RPN2: variants seen among roughly 807,000 people sequenced by gnomAD.
RPN2 encodes the protein dolichyl-diphosphooligosaccharide--protein glycosyltransferase subunit 2.
RPN2 carries 29 observed loss-of-function variants against 71.4 expected under a neutral mutation model. That is an observed-to-expected ratio of 0.41 (90% confidence interval 0.30 to 0.55). The LOEUF (loss-of-function observed/expected upper bound fraction) is 0.55, where lower values mean the gene tolerates loss of function less well. Ranked by LOEUF, RPN2 falls within the 20% of genes least tolerant of loss-of-function variation. RPN2 has a pLI of 0.35. For missense variants in RPN2, 726 were observed against 774.1 expected (o/e 0.94, Z 0.74); for synonymous variants, 308 against 305.0 (o/e 1.01, Z -0.10).
intron 2 of RPN2, among the ~76,000 whole-genome samples, chr20:37,195,259 C>T (rs2146547988): frequency 6.6e-6 from 1 of 152,272 alleles, no homozygotes; most frequent in African/African-American, 2.4e-5. Flanking sequence ...GGAGGTGTCC[C>T]TGCTTCTGCT....
intron 13 of RPN2, 104 bp downstream of exon 13, chr20:37,230,163 T>C: frequency 1.1e-6 from 1 of 923,294 alleles, no homozygotes; most frequent in Non-Finnish European, 1.8e-6. Flanking sequence ...TGTTTTATAG[T>C]TTGATCCTCA....
intron 8 of RPN2, among the ~76,000 whole-genome samples, chr20:37,213,511 C>A (rs574736001): frequency 5.3e-5 from 8 of 152,126 alleles, no homozygotes; most frequent in Non-Finnish European, 7.4e-5. Flanking sequence ...ATCAGTTGAG[C>A]CTACGAGTTT....
At chr20:37,229,744 TA>T in intron 12 of RPN2, 1 of 584,188 alleles carries the variant, frequency 1.7e-6, no homozygotes, top group Non-Finnish European at 3.1e-6. Context: ...GGGGCTACTA[TA>T]CCAGCAGAAA....
At chr20:37,192,111 A>G (rs905206278) in intron 2 of RPN2, among the ~76,000 whole-genome samples, 3 of 152,080 alleles carry the variant, frequency 2.0e-5, no homozygotes. Flanking sequence ...CAAAGAAACC[A>G]AATTACTTTA....
rs1164682182 is a variant in RPN2, at chr20:37,207,424, A to T, written c.842A>T (p.Asp281Val). The change falls in exon 7 of 17, where the codon GAC (aspartate) becomes GTC (valine). Residue 281 changes from aspartate (D) to valine (V), a missense_variant. Physicochemically the swap from Asp to Val is radical, Grantham distance 152 (BLOSUM62 -3). Transcript: ENST00000237530. ...VVVVPEGSAS[D>V]THEQAILRLQ... ...GTTGTGCCTGAGGGCTCTGCTTCCG[A>T]CACTCATGAACAGGCTATCTTGCGG... is the stretch of plus-strand genomic sequence containing the variant. The T allele has an allele frequency of 6.2e-7, 1 of 1,614,136 alleles. No individual in the cohort carries two copies. The highest frequency in any genetic ancestry group is 1.7e-5 in the Admixed American group (1 of 60,026).
intron 8 of RPN2, among the ~76,000 whole-genome samples, chr20:37,213,228 G>A (rs1417912165): frequency 1.3e-5 from 2 of 152,256 alleles, no homozygotes; most frequent in South Asian, 4.2e-4. Flanking sequence ...AAGCTACCAG[G>A]AGTTTGAATT....
At chr20:37,180,612 G>T (rs1352473983) in intron 1 of RPN2, among the ~76,000 whole-genome samples, 1 of 152,106 alleles carries the variant, frequency 6.6e-6, no homozygotes, top group East Asian at 1.9e-4. Flanking sequence ...TTGGGTACCC[G>T]CCTGTGCACA....
chr20:37,198,512 C>A lies in RPN2; in HGVS notation c.303+20C>A. On this transcript the variant is annotated intron_variant, in intron 3 of 16. Transcript: ENST00000237530. ...TGTGAGGTGAGTCCGGGTTCCTACG[C>A]TGACAATGACTTTAACTATTTAAAG... 6.2e-7 allele frequency: 1 copy of A among 1,614,040 alleles called. No homozygotes were observed. The highest frequency in any genetic ancestry group is 8.5e-7 in the Non-Finnish European group (1 of 1,180,026).
At chr20:37,198,359 G>C (rs779862481) in intron 2 of RPN2, 38 bp from the exon 3 acceptor site, 7 of 1,614,104 alleles carry the variant, frequency 4.3e-6, no homozygotes, top group Non-Finnish European at 5.9e-6. Context: ...TTCACTACAT[G>C]TGTCACCACT....
intron 11 of RPN2, 128 bp downstream of exon 11, chr20:37,225,930 A>G (rs1188262532): frequency 1.4e-6 from 1 of 729,428 alleles, no homozygotes; most frequent in Non-Finnish European, 2.5e-6. Context: ...CCGAACCCTG[A>G]CAGTCCATCA....
chr20:37,182,336 C>T (rs550261173), intron 1 of RPN2, among the ~76,000 whole-genome samples: 5 of 152,102 alleles, frequency 3.3e-5, no homozygotes, highest in Non-Finnish European at 7.4e-5. Context: ...TCAAGTGATC[C>T]GCCCACCTCG....
At position 37,203,867 on chromosome 20, in the gene RPN2, C is replaced by G; in HGVS notation, c.480-18C>G. The stretch of plus-strand genomic sequence containing the variant: ...ACAAGACTTGCCATTCATTGGGGTT[C>G]TACTCTTTACCTTCCAGAACAGTCC... On this transcript the variant is annotated intron_variant, in intron 4 of 16. Transcript: ENST00000237530. 1.2e-6 allele frequency: 2 copies of G among 1,600,730 alleles called. No individual in the cohort carries two copies. Among genetic ancestry groups the G allele is most frequent in the Non-Finnish European group, 1.7e-6 (2 of 1,167,832 alleles).
chr20:37,232,626 C>T (rs1390158845), intron 14 of RPN2, among the ~76,000 whole-genome samples: 2 of 151,882 alleles, frequency 1.3e-5, no homozygotes, highest in Non-Finnish European at 2.9e-5. Flanking sequence ...CTAACAGCCA[C>T]TAAGAATGAC....
At chr20:37,227,386 C>A (rs889536681) in intron 11 of RPN2, among the ~76,000 whole-genome samples, 3 of 152,212 alleles carry the variant, frequency 2.0e-5, no homozygotes, top group African/African-American at 7.2e-5. Context: ...GCCTAGAGAC[C>A]TTCCAGGTGG....
At chr20:37,213,663 C>A in intron 8 of RPN2, 97 bp from the exon 9 acceptor site, 1 of 931,328 alleles carries the variant, frequency 1.1e-6, no homozygotes, top group Non-Finnish European at 1.8e-6. Flanking sequence ...GTTGGCTAGC[C>A]TTGGACAGTC....
At chr20:37,240,157 C>G (rs1335150161) in intron 16 of RPN2, among the ~76,000 whole-genome samples, 1 of 152,154 alleles carries the variant, frequency 6.6e-6, no homozygotes, top group Non-Finnish European at 1.5e-5. Context: ...CATTTCCTAG[C>G]ATTTGAAAGG....
chr20:37,232,304 C>T lies in RPN2; in HGVS notation c.1590C>T (p.Phe530=), dbSNP rs766281743. The part of the protein sequence containing the change: ...FTPKQEIQHL[F]REPEKRPPTV... The stretch of plus-strand genomic sequence containing the variant: ...GGTGTGTCTTTCGGCAGCACCTGTT[C>T]CGCGAGCCTGAGAAGAGGCCCCCCA... The change falls in exon 14 of 17, where the codon TTC becomes TTT. Residue 530 remains phenylalanine (F), a synonymous_variant. Coordinates refer to ENST00000237530, the MANE Select transcript of RPN2 (RefSeq NM_002951.5). 19 of 1,614,200 alleles carry T rather than the reference C, an allele frequency of 1.2e-5. No individual in the cohort carries two copies. Among genetic ancestry groups the T allele is most frequent in the Non-Finnish European group, 1.4e-5 (17 of 1,180,028 alleles).
At chr20:37,224,728 C>T (rs1357384117) in intron 10 of RPN2, among the ~76,000 whole-genome samples, 1 of 152,158 alleles carries the variant, frequency 6.6e-6, no homozygotes, top group African/African-American at 2.4e-5. Context: ...GTCCAGACCC[C>T]AACTTTACTC....
At chr20:37,194,416 C>A (rs2067210702) in intron 2 of RPN2, among the ~76,000 whole-genome samples, 1 of 152,154 alleles carries the variant, frequency 6.6e-6, no homozygotes, top group South Asian at 2.1e-4. Context: ...TGCACACCCC[C>A]ACGCCTGGCT....
Sources: allele counts gnomAD v4.1 joint callset (sites outside exome capture counted in the v4.1 genomes callset), GRCh38; gene constraint gnomAD v4.1.1; transcripts MANE v1.5; gene names NCBI Gene and HGNC (gene_info 2026-07-23, HGNC 2026-07-21).